The following ABHD2 variants were observed in gnomAD, a reference collection of about 807,000 sequenced individuals.
ABHD2 encodes the protein abhydrolase domain containing 2, acylglycerol lipase, also known as monoacylglycerol lipase ABHD2.
Under a neutral mutation model 48.1 loss-of-function variants are expected in ABHD2, and 20 were observed. That is an observed-to-expected ratio of 0.42 (90% CI 0.29 to 0.60). The LOEUF is 0.60. Ranked by LOEUF, ABHD2 falls within the 20% of genes least tolerant of loss-of-function variation. The probability of loss-of-function intolerance (pLI) is 0.24; values close to 1 mark genes in which losing one functional copy is unlikely to be tolerated. For synonymous variants in ABHD2, 209 were observed against 214.2 expected (o/e 0.98, Z 0.21); for missense variants, 405 against 550.9 (o/e 0.74, Z 2.65).
intron 3 of ABHD2, among the ~76,000 whole-genome samples, chr15:89,134,233 T>C (rs1036764605): frequency 1.3e-5 from 2 of 152,218 alleles, no homozygotes; most frequent in African/African-American, 4.8e-5. Context: ...TCTTCTTCAC[T>C]GCAAGATTAT....
chr15:89,161,582 G>A (rs1269307366), intron 5 of ABHD2, among the ~76,000 whole-genome samples: 1 of 152,102 alleles, frequency 6.6e-6, no homozygotes, highest in African/African-American at 2.4e-5. Context: ...TGTATATTTA[G>A]TAGAGACAGG....
In ABHD2 at chr15:89,102,998, G is replaced by A. The variant is rs536500423; in HGVS notation, c.-106-10727G>A. Among the ~76,000 whole-genome samples, 2 of 152,336 alleles carry A rather than the reference G, an allele frequency of 1.3e-5. No homozygotes were observed. Among genetic ancestry groups the A allele is most frequent in the South Asian group, 2.1e-4 (1 of 4,830 alleles). On this transcript the variant is annotated intron_variant, in intron 1 of 10. Coordinates refer to ENST00000352732, the MANE Select transcript of ABHD2 (RefSeq NM_152924.5). The surrounding 1 kb of genome is among the most constrained non-coding windows in gnomAD (Gnocchi z 4.8). ...AGTGGAGTGTTTGTGGTGGACGGAC[G>A]GGAGAGAGGAACACTTGAGGGCATG...
rs2051020140 is a variant in ABHD2 at position 89,176,716 on chromosome 15, C to A, written c.722+721C>A. Among the ~76,000 whole-genome samples, 1 of 152,194 alleles carries A rather than the reference C, an allele frequency of 6.6e-6. No individual in the cohort carries two copies. The highest frequency in any genetic ancestry group is 2.4e-5 in the African/African-American group (1 of 41,446). On this transcript the variant is annotated intron_variant, in intron 6 of 10. Coordinates refer to ENST00000352732, the MANE Select transcript of ABHD2 (RefSeq NM_152924.5). The surrounding 1 kb of genome is among the most constrained non-coding windows in gnomAD (Gnocchi z 4.5). ...CACTATACACACACCTCTCCAGGCTCTTCAAATACATTCATATTTTTTTCT... is the reference window on the plus strand; with the variant it reads ...CACTATACACACACCTCTCCAGGCTATTCAAATACATTCATATTTTTTTCT...
At chr15:89,058,451 G>A in the ABHD2 span, among the ~76,000 whole-genome samples, 1 of 152,296 alleles carries the variant, frequency 6.6e-6, no homozygotes, top group Admixed American at 6.5e-5. Flanking sequence ...AGGGCTTGCT[G>A]TAATTTGGAC....
intron 10 of ABHD2, among the ~76,000 whole-genome samples, chr15:89,194,629 C>G (rs1395002458): frequency 6.6e-6 from 1 of 152,144 alleles, no homozygotes; most frequent in African/African-American, 2.4e-5. Context: ...AGTAAAAATA[C>G]TGTAAATGCC....
chr15:89,078,725 C>CTTTTTT, the ABHD2 span, among the ~76,000 whole-genome samples: 38 of 143,682 alleles, frequency 2.6e-4, no homozygotes, highest in Non-Finnish European at 3.6e-4. Context: ...ACAATGTAGG[C>CTTTTTT]TTTTTTTTTT....
At chr15:89,093,639 C>G (rs1410034134) in intron 1 of ABHD2, 1 of 152,328 alleles carries the variant, frequency 6.6e-6, no homozygotes, top group Admixed American at 6.5e-5. Context: ...CAGGAAAAAC[C>G]AGCTCTCACA....
chr15:89,080,163 A>T, the ABHD2 span, among the ~76,000 whole-genome samples: 106 of 152,332 alleles, frequency 7.0e-4, no homozygotes, highest in South Asian at 1.9e-3. Flanking sequence ...ATAAAGCCGG[A>T]TTGTCATCCT....
At chr15:89,068,183 C>T in the ABHD2 span, among the ~76,000 whole-genome samples, 1 of 123,756 alleles carries the variant, frequency 8.1e-6, no homozygotes, top group African/African-American at 3.2e-5. Flanking sequence ...TATACATACA[C>T]ACATGTGCGC....
intron 1 of ABHD2, among the ~76,000 whole-genome samples, chr15:89,089,593 G>GCCTTT (rs1901510793): frequency 1.3e-5 from 2 of 152,162 alleles, no homozygotes; most frequent in Non-Finnish European, 2.9e-5. Flanking sequence ...CAAATCCAAA[G>GCCTTT]GCATGTTCCA....
the ABHD2 span, among the ~76,000 whole-genome samples, chr15:89,062,315 G>A: frequency 6.6e-6 from 1 of 151,934 alleles, no homozygotes; most frequent in Admixed American, 6.6e-5. Context: ...TACCCTACAG[G>A]TAAGACTGGA....
the ABHD2 span, among the ~76,000 whole-genome samples, chr15:89,052,618 G>A: frequency 6.6e-6 from 1 of 151,728 alleles, no homozygotes; most frequent in East Asian, 1.9e-4. Flanking sequence ...GAAGATGAGG[G>A]CAGAGATTGG....
the ABHD2 span, among the ~76,000 whole-genome samples, chr15:89,054,295 C>G: frequency 2.0e-5 from 3 of 150,220 alleles, no homozygotes; most frequent in East Asian, 5.9e-4. Context: ...ACACTCCAGC[C>G]TGGGTGACAG....
chr15:89,062,313 A>G, the ABHD2 span, among the ~76,000 whole-genome samples: 1 of 151,842 alleles, frequency 6.6e-6, no homozygotes, highest in East Asian at 1.9e-4. Context: ...TGTACCCTAC[A>G]GGTAAGACTG....
At chr15:89,071,456 G>T in the ABHD2 span, among the ~76,000 whole-genome samples, 2 of 152,124 alleles carry the variant, frequency 1.3e-5, no homozygotes, top group African/African-American at 4.8e-5. Flanking sequence ...TTTATTTGGG[G>T]CTTACATACA....
the ABHD2 span, chr15:89,075,394 G>A: frequency 6.6e-6 from 1 of 152,418 alleles, no homozygotes; most frequent in Admixed American, 6.5e-5. This position sits in a 1 kb window ranked among gnomAD's most constrained non-coding sequence, Gnocchi z 4.1. Context: ...GGTGAGTAGA[G>A]TTTTCCAGGT....
At chr15:89,099,579 C>T (rs1265015701) in intron 1 of ABHD2, among the ~76,000 whole-genome samples, 3 of 152,086 alleles carry the variant, frequency 2.0e-5, no homozygotes, top group Non-Finnish European at 4.4e-5. Flanking sequence ...CACCACTGCA[C>T]TCCAGCCTGG....
chr15:89,170,121 G>C (rs1362819395), intron 5 of ABHD2, among the ~76,000 whole-genome samples: 1 of 103,562 alleles, frequency 9.7e-6, no homozygotes, highest in African/African-American at 4.1e-5. Context: ...TTTGGAGACG[G>C]GGTCTCACTC....
rs1382377749 is a variant in ABHD2 at position 89,166,766 on chromosome 15, C to T, written c.539-9046C>T. 6.6e-6 allele frequency among the ~76,000 whole-genome samples: 1 copy of T among 152,220 alleles called. No homozygotes were observed. Among genetic ancestry groups the T allele is most frequent in the Non-Finnish European group, 1.5e-5 (1 of 68,040 alleles). The stretch of plus-strand genomic sequence containing the variant: ...GCTACACTGAGCTGTGATCATGCCA[C>T]TGCACAGCCTGAGCTACAGAGTGAG... On this transcript the variant is annotated intron_variant, in intron 5 of 10. Transcript: ENST00000352732. This position sits in a 1 kb window ranked among gnomAD's most constrained non-coding sequence, Gnocchi z 4.6.
Sources: gnomAD v4.1 joint callset for allele counts (sites outside exome capture counted in the v4.1 genomes callset) on GRCh38, gnomAD v4.1.1 for gene constraint, Gnocchi (gnomAD v3.1) non-coding constraint, MANE v1.5 for transcripts, NCBI Gene and HGNC (gene_info 2026-07-23, HGNC 2026-07-21) for gene names.